CAMTA1: variants seen among roughly 807,000 people sequenced by gnomAD.
CAMTA1 encodes calmodulin binding transcription activator 1.
A neutral mutation model predicts 170.9 loss-of-function variants in CAMTA1; 27 were observed. That is an observed-to-expected ratio of 0.16 (90% CI 0.12 to 0.22). CAMTA1 has a LOEUF of 0.22. Among genes scored for constraint, CAMTA1 ranks in the 10% least tolerant of loss-of-function variants. The pLI is 1.00. For synonymous variants in CAMTA1, 833 were observed against 891.5 expected (o/e 0.93, Z 1.17); for missense variants, 1,619 against 2,217.2 (o/e 0.73, Z 5.42).
intron 4 of CAMTA1, among the ~76,000 whole-genome samples, chr1:7,156,119 C>CA (rs200380795): frequency 0.021 from 2,783 of 134,844 alleles, 66 homozygotes; most frequent in African/African-American, 0.054. Context: ...ACAAAAAATA[C>CA]AAAAAAAAAA....
chr1:7,422,518 G>A (rs2091633143), intron 5 of CAMTA1, among the ~76,000 whole-genome samples: 1 of 152,180 alleles, frequency 6.6e-6, no homozygotes, highest in Non-Finnish European at 1.5e-5. Context: ...GTGCTGTGCT[G>A]CTGCCCATCA....
At chr1:7,087,455 G>A (rs1162107387) in intron 3 of CAMTA1, among the ~76,000 whole-genome samples, 1 of 152,214 alleles carries the variant, frequency 6.6e-6, no homozygotes, top group East Asian at 1.9e-4. Context: ...CTGAAGGGAG[G>A]TGGGGCTGGG....
chr1:7,062,563 G>T (rs1708378469), intron 3 of CAMTA1, among the ~76,000 whole-genome samples: 1 of 152,186 alleles, frequency 6.6e-6, no homozygotes, highest in South Asian at 2.1e-4. Context: ...GACAGGCACA[G>T]GCTCCACCGA....
chr1:7,187,193 G>A (rs1442295052), intron 4 of CAMTA1, among the ~76,000 whole-genome samples: 1 of 152,102 alleles, frequency 6.6e-6, no homozygotes, highest in Non-Finnish European at 1.5e-5. Flanking sequence ...TTTGCAGAGA[G>A]GAATATGGGC....
intron 6 of CAMTA1, among the ~76,000 whole-genome samples, chr1:7,568,534 A>G (rs2095076910): frequency 6.7e-6 from 1 of 149,436 alleles, no homozygotes; most frequent in South Asian, 2.1e-4. Flanking sequence ...CATCATCAGC[A>G]TCACCATCAT....
intron 3 of CAMTA1, among the ~76,000 whole-genome samples, chr1:7,025,194 G>GT (rs1701860447): frequency 6.6e-6 from 1 of 152,230 alleles, no homozygotes; most frequent in Non-Finnish European, 1.5e-5. Flanking sequence ...ATTAATCAGC[G>GT]TTTGGGGGAG....
At chr1:7,644,902 T>C (rs1268322619) in intron 7 of CAMTA1, among the ~76,000 whole-genome samples, 1 of 152,268 alleles carries the variant, frequency 6.6e-6, no homozygotes, top group Non-Finnish European at 1.5e-5. Flanking sequence ...TTCAGCTTTC[T>C]GGCTTATAGT....
At chr1:7,263,199 T>A (rs989125155) in intron 5 of CAMTA1, among the ~76,000 whole-genome samples, 3 of 152,124 alleles carry the variant, frequency 2.0e-5, no homozygotes, top group African/African-American at 7.2e-5. Context: ...TTTTAAGCCC[T>A]CCAGATGGAA....
At chr1:6,799,464 C>G (rs974126478) in intron 1 of CAMTA1, among the ~76,000 whole-genome samples, 2 of 152,230 alleles carry the variant, frequency 1.3e-5, no homozygotes, top group Non-Finnish European at 1.5e-5. Context: ...TTAGGTGGAC[C>G]AGGAGCTAGA....
chr1:7,160,189 C>T (rs375750918), intron 4 of CAMTA1, among the ~76,000 whole-genome samples: 1 of 152,132 alleles, frequency 6.6e-6, no homozygotes, highest in East Asian at 1.9e-4. Context: ...GAAGAGGTTG[C>T]AGTGAGCTGA....
In CAMTA1 at chr1:6,951,560, T is replaced by C. The variant is rs74343906; in HGVS notation, c.234+126350T>C. Among the ~76,000 whole-genome samples the C allele has an allele frequency of 1.3e-4, 20 of 152,258 alleles. 1 individual carries two copies. The East Asian group carries it at 3.9e-3, about 29-fold the overall frequency. ...AAGCGTCTTTATCCCCCAGGACTAT[T>C]GGGAAGAACAAAAAAGAGACCATTT... On this transcript the variant is annotated intron_variant, in intron 3 of 22. Coordinates refer to ENST00000303635, the MANE Select transcript of CAMTA1 (RefSeq NM_015215.4).
chr1:7,445,562 G>A (rs908613177), intron 5 of CAMTA1, among the ~76,000 whole-genome samples: 1 of 152,146 alleles, frequency 6.6e-6, no homozygotes, highest in African/African-American at 2.4e-5. Flanking sequence ...CCTGGAGGGG[G>A]AGGCGGAGCT....
At chr1:6,806,651 C>T (rs987456803) in intron 1 of CAMTA1, among the ~76,000 whole-genome samples, 11 of 152,178 alleles carry the variant, frequency 7.2e-5, no homozygotes, top group Admixed American at 4.6e-4. Flanking sequence ...TTCCACGTAG[C>T]GTGTAGGTTG....
intron 11 of CAMTA1, among the ~76,000 whole-genome samples, chr1:7,701,913 G>C (rs1433633582): frequency 1.3e-5 from 2 of 152,154 alleles, no homozygotes; most frequent in Non-Finnish European, 2.9e-5. Context: ...GAAAGAACAT[G>C]AATACCACAA....
At chr1:7,741,407 T>C (rs111445281) in intron 16 of CAMTA1, among the ~76,000 whole-genome samples, 5,328 of 151,550 alleles carry the variant, frequency 0.035, 115 homozygotes, top group South Asian at 0.065. Flanking sequence ...ACTAAAAATA[T>C]AAAAAATTAG....
intron 5 of CAMTA1, among the ~76,000 whole-genome samples, chr1:7,449,764 G>A (rs1249432423): frequency 1.7e-4 from 20 of 114,442 alleles, no homozygotes; most frequent in Non-Finnish European, 1.9e-4. Context: ...AGCAAGACTC[G>A]GTCTCAAAAA....
In CAMTA1 at chr1:6,856,565, A is replaced by G. The variant is rs998368782; in HGVS notation, c.234+31355A>G. ...TGGATAGATTAAATAGATTGGTTAGATAGATGGGATGGATGTATGGATAGA... is the reference window on the plus strand; with the variant it reads ...TGGATAGATTAAATAGATTGGTTAGGTAGATGGGATGGATGTATGGATAGA... On this transcript the variant is annotated intron_variant, in intron 3 of 22. Transcript: ENST00000303635. 7.9e-5 allele frequency among the ~76,000 whole-genome samples: 12 copies of G among 152,092 alleles called. 1 individual carries two copies. The highest frequency in any genetic ancestry group is 7.2e-4 in the Admixed American group (11 of 15,266).
At chr1:7,480,210 C>CGTGT (rs201200938) in intron 6 of CAMTA1, among the ~76,000 whole-genome samples, 1 of 70,832 alleles carries the variant, frequency 1.4e-5, no homozygotes, top group Admixed American at 1.3e-4. Flanking sequence ...TGTGTGAGTG[C>CGTGT]ATGTGTGTAC....
rs574566062 is a variant in CAMTA1, at chr1:7,105,699, T to C, written c.302+14328T>C. 1.1e-3 allele frequency among the ~76,000 whole-genome samples: 163 copies of C among 152,274 alleles called. 1 individual carries two copies. The highest frequency in any genetic ancestry group is 3.9e-3 in the African/African-American group (160 of 41,552). On this transcript the variant is annotated intron_variant, in intron 4 of 22. Coordinates refer to ENST00000303635, the MANE Select transcript of CAMTA1 (RefSeq NM_015215.4). ...GGCTCACACCTGTAATCTCAGCACTTTGGGAGACTGAAGTGGGCAGATCAC... is the reference window on the plus strand; with the variant it reads ...GGCTCACACCTGTAATCTCAGCACTCTGGGAGACTGAAGTGGGCAGATCAC...
Sources: gnomAD v4.1 joint callset for allele counts (sites outside exome capture counted in the v4.1 genomes callset) on GRCh38, gnomAD v4.1.1 for gene constraint, MANE v1.5 for transcripts, NCBI Gene and HGNC (gene_info 2026-07-23, HGNC 2026-07-21) for gene names.